ZYG11A: variants seen among roughly 807,000 people sequenced by gnomAD.
The protein encoded by ZYG11A is zyg-11 family member A, cell cycle regulator.
ZYG11A carries 62 observed loss-of-function variants against 77.2 expected under a neutral mutation model. The observed-to-expected ratio is 0.80, with a 90% CI of 0.65 to 0.99. The LOEUF is 0.99. ZYG11A is among the 50% of genes least tolerant of loss of function. ZYG11A has a pLI of 0.00. For missense variants in ZYG11A, 828 were observed against 896.8 expected (o/e 0.92, Z 0.98); for synonymous variants, 315 against 324.6 (o/e 0.97, Z 0.32).
chr1:52,877,066 T>G (rs567328002), intron 8 of ZYG11A, among the ~76,000 whole-genome samples: 1 of 152,146 alleles, frequency 6.6e-6, no homozygotes, highest in African/African-American at 2.4e-5. Context: ...GCTCAGTGGC[T>G]TAGAGCAGCA....
chr1:52,844,048 A>C (rs1051056500), intron 1 of ZYG11A, among the ~76,000 whole-genome samples: 1 of 152,076 alleles, frequency 6.6e-6, no homozygotes, highest in African/African-American at 2.4e-5. Flanking sequence ...GCTAGGCTCC[A>C]TTTTACCGAT....
chr1:52,871,147 T>C (rs1310560074), intron 8 of ZYG11A, among the ~76,000 whole-genome samples: 1 of 152,268 alleles, frequency 6.6e-6, no homozygotes, highest in East Asian at 1.9e-4. Flanking sequence ...TGTTTTGTTT[T>C]GTTTAAGAGA....
Position 52,886,992 on chromosome 1 carries a change from C to T in ZYG11A, c.2043C>T (p.Phe681=). 2 of 1,550,494 alleles carry T rather than the reference C, an allele frequency of 1.3e-6. No homozygotes were observed. The highest frequency in any genetic ancestry group is 1.7e-6 in the Non-Finnish European group (2 of 1,146,194). Residue 681 remains phenylalanine (F), a synonymous_variant, in exon 13 of 14, where the codon TTC becomes TTT. Coordinates refer to ENST00000371528, the MANE Select transcript of ZYG11A (RefSeq NM_001004339.3). ...CATTTTTCCCGCTCCTTGGCAACTT[C>T]TCTCAACCAGAGGTTCAGCTCTGGG... ...FKTFFPLLGN[F]SQPEVQLWAL...
At chr1:52,880,816 G>T (rs1156236498) in intron 10 of ZYG11A, among the ~76,000 whole-genome samples, 1 of 152,120 alleles carries the variant, frequency 6.6e-6, no homozygotes, top group African/African-American at 2.4e-5. Flanking sequence ...ATTCTCCCCC[G>T]GTGGAGCCTC....
intron 8 of ZYG11A, among the ~76,000 whole-genome samples, chr1:52,870,887 G>A (rs1646149942): frequency 6.6e-6 from 1 of 151,544 alleles, no homozygotes; most frequent in Non-Finnish European, 1.5e-5. Context: ...GGAGGGGGAG[G>A]GGGAGAGGGA....
intron 1 of ZYG11A, among the ~76,000 whole-genome samples, 198 bp from the exon 2 acceptor site, chr1:52,854,267 G>A (rs1645766427): frequency 6.6e-6 from 1 of 152,140 alleles, no homozygotes; most frequent in South Asian, 2.1e-4. Context: ...CTGTACAACA[G>A]AAAGGACAAC....
chr1:52,860,341 C>G (rs954672877), intron 3 of ZYG11A, among the ~76,000 whole-genome samples: 2 of 152,250 alleles, frequency 1.3e-5, no homozygotes, highest in Non-Finnish European at 2.9e-5. Flanking sequence ...AGCCACCACG[C>G]CTGGCGCTAG....
In ZYG11A at chr1:52,891,977, G is replaced by A. The variant is rs551286920; in HGVS notation, c.2105-805G>A. 2.5e-3 allele frequency among the ~76,000 whole-genome samples: 386 copies of A among 151,566 alleles called. 2 individuals carry two copies. The Middle Eastern group carries it at 0.054, about 21-fold the overall frequency. ...TGCAGTGGCGTGATCTCGGCTCACT[G>A]CAAGCTCACCTCCCAGGTTCACGCC... On this transcript the variant is annotated intron_variant, in intron 13 of 13. Transcript: ENST00000371528.
chr1:52,844,643 T>C (rs1645527781), intron 1 of ZYG11A, among the ~76,000 whole-genome samples: 1 of 152,172 alleles, frequency 6.6e-6, no homozygotes, highest in African/African-American at 2.4e-5. Flanking sequence ...GTTTTTAATA[T>C]AAAAGTCTTT....
intron 8 of ZYG11A, among the ~76,000 whole-genome samples, chr1:52,868,699 A>G (rs1243632431): frequency 2.6e-5 from 4 of 152,102 alleles, no homozygotes; most frequent in African/African-American, 4.8e-5. Flanking sequence ...AGGCACGAGG[A>G]TTGTTTGAGC....
chr1:52,851,490 C>T (rs538853858), intron 1 of ZYG11A, among the ~76,000 whole-genome samples: 11 of 152,084 alleles, frequency 7.2e-5, no homozygotes, highest in East Asian at 1.9e-4. Flanking sequence ...CTCTGGCTCC[C>T]GGGTACAAGC....
chr1:52,847,875 TATTTA>T (rs1645627245), intron 1 of ZYG11A, among the ~76,000 whole-genome samples: 2 of 97,360 alleles, frequency 2.1e-5, no homozygotes, highest in African/African-American at 7.3e-5. Context: ...TTTATTTATT[TATTTA>T]TTTTTTTGAG....
intron 8 of ZYG11A, among the ~76,000 whole-genome samples, chr1:52,870,243 C>T (rs1441811107): frequency 7.0e-6 from 1 of 143,114 alleles, no homozygotes; most frequent in Admixed American, 6.9e-5. Flanking sequence ...CGGGCAGAGA[C>T]GCTCCTCACT....
chr1:52,885,368 AT>A (rs375808701), intron 11 of ZYG11A, among the ~76,000 whole-genome samples: 4 of 146,120 alleles, frequency 2.7e-5, no homozygotes, highest in South Asian at 2.2e-4. Flanking sequence ...TGCCCGGCTA[AT>A]TTTTTTTTGT....
At chr1:52,867,916 C>G (rs1646056321) in intron 8 of ZYG11A, 139 bp downstream of exon 8, 3 of 522,336 alleles carry the variant, frequency 5.7e-6, no homozygotes, top group East Asian at 4.9e-5. Context: ...AAGAAACTTT[C>G]TAATTTTGTA....
At chr1:52,849,619 C>T (rs532958349) in intron 1 of ZYG11A, among the ~76,000 whole-genome samples, 11 of 152,040 alleles carry the variant, frequency 7.2e-5, no homozygotes, top group South Asian at 2.1e-4. Context: ...CTGCCCGCCT[C>T]GGCCTCTAAG....
intron 13 of ZYG11A, among the ~76,000 whole-genome samples, chr1:52,890,030 A>G (rs1401348135): frequency 8.5e-6 from 1 of 117,214 alleles, no homozygotes; most frequent in African/African-American, 3.4e-5. Flanking sequence ...GCTGAATACC[A>G]TTTTCTTTGC....
chr1:52,883,501 C>T (rs1018886983), intron 11 of ZYG11A, among the ~76,000 whole-genome samples: 1 of 151,570 alleles, frequency 6.6e-6, no homozygotes, highest in African/African-American at 2.4e-5. Context: ...GATCTCAGCT[C>T]ATTGCATCCT....
At position 52,877,703 on chromosome 1, in the gene ZYG11A, C is replaced by T. The variant is rs1400331369; in HGVS notation, c.1564C>T (p.Gln522Ter). The change falls in exon 9 of 14, where the codon CAA becomes TAA. Residue 522 changes from glutamine (Q) to a stop codon, truncating the protein, a stop_gained. Coordinates refer to ENST00000371528, the MANE Select transcript of ZYG11A (RefSeq NM_001004339.3). LOFTEE classifies it high-confidence loss of function. ...AVKELLAIVK[Q>*]KTTENLDDVT... is the part of the protein sequence containing the mutation. ...TTAGGAACTTCTAGCAATAGTAAAA[C>T]AAAAGACTACTGAGAATTTAGATGA... The T allele has an allele frequency of 7.7e-6, 12 of 1,549,804 alleles. No homozygotes were observed. Among genetic ancestry groups the T allele is most frequent in the Admixed American group, 2.0e-5 (1 of 50,306 alleles).
Sources: gnomAD v4.1 joint callset for allele counts (sites outside exome capture counted in the v4.1 genomes callset) on GRCh38, gnomAD v4.1.1 for gene constraint, MANE v1.5 for transcripts, NCBI Gene and HGNC (gene_info 2026-07-23, HGNC 2026-07-21) for gene names.